Variants in DKK2 observed in about 807,000 individuals in gnomAD.
DKK2 encodes dickkopf Wnt signaling pathway inhibitor 2, also known as dickkopf-related protein 2.
DKK2 carries 11 observed loss-of-function variants against 28.1 expected under a neutral mutation model. The ratio of observed to expected loss-of-function variants is 0.39; its 90% CI spans 0.25 to 0.65. The LOEUF (loss-of-function observed/expected upper bound fraction) is 0.65. Among genes scored for constraint, DKK2 ranks in the 30% least tolerant of loss-of-function variants. The probability of loss-of-function intolerance (pLI) is 0.47; values close to 1 mark genes in which losing one functional copy is unlikely to be tolerated. For synonymous variants in DKK2, 135 were observed against 126.5 expected (o/e 1.07, Z -0.45); for missense variants, 326 against 335.5 (o/e 0.97, Z 0.22).
chr4:106,952,839 G>C (rs892104523), intron 1 of DKK2, among the ~76,000 whole-genome samples: 2 of 152,126 alleles, frequency 1.3e-5, no homozygotes, highest in African/African-American at 4.8e-5. Flanking sequence ...CTGGGAATCA[G>C]GTTTGGTTCA....
intron 1 of DKK2, among the ~76,000 whole-genome samples, chr4:106,978,617 A>G (rs1164928128): frequency 6.6e-6 from 1 of 151,990 alleles, no homozygotes; most frequent in African/African-American, 2.4e-5. Flanking sequence ...TACCAGGTCG[A>G]CTTCAGACTT....
chr4:106,964,866 C>A (rs1222158890), intron 1 of DKK2, among the ~76,000 whole-genome samples: 1 of 151,418 alleles, frequency 6.6e-6, no homozygotes, highest in Non-Finnish European at 1.5e-5. Context: ...CTTGTCAGTC[C>A]CACAATCATG....
chr4:106,951,470 T>C (rs539601911), intron 1 of DKK2, among the ~76,000 whole-genome samples: 2 of 152,144 alleles, frequency 1.3e-5, no homozygotes, highest in African/African-American at 4.8e-5. Context: ...AAAGAGTATG[T>C]GGCATATAGA....
At chr4:106,952,747 T>C (rs1722492462) in intron 1 of DKK2, among the ~76,000 whole-genome samples, 1 of 152,042 alleles carries the variant, frequency 6.6e-6, no homozygotes. Context: ...AAACTAGAAG[T>C]CATTGGTCAA....
At chr4:106,949,320 GGT>G (rs1393557256) in intron 1 of DKK2, among the ~76,000 whole-genome samples, 2 of 152,042 alleles carry the variant, frequency 1.3e-5, no homozygotes, top group Non-Finnish European at 2.9e-5. Context: ...TCCAGTGAAG[GGT>G]GTGTGTTACA....
At chr4:107,034,906 A>G (rs73837551) in intron 1 of DKK2, among the ~76,000 whole-genome samples, 2,080 of 152,302 alleles carry the variant, frequency 0.014, 53 homozygotes, top group African/African-American at 0.048. Context: ...TCCGTGCCTC[A>G]ATTACTTCAT....
At chr4:106,982,924 A>G (rs1294515585) in intron 1 of DKK2, among the ~76,000 whole-genome samples, 1 of 150,700 alleles carries the variant, frequency 6.6e-6, no homozygotes, top group African/African-American at 2.4e-5. Flanking sequence ...TACATTGGGG[A>G]GGGAAAGAAA....
intron 1 of DKK2, among the ~76,000 whole-genome samples, chr4:106,993,160 C>T (rs1420358113): frequency 6.6e-6 from 1 of 152,228 alleles, no homozygotes; most frequent in East Asian, 1.9e-4. Context: ...AGAGCATAAC[C>T]TCTGGAGTCT....
chr4:107,009,777 G>T (rs1247872214), intron 1 of DKK2, among the ~76,000 whole-genome samples: 1 of 151,744 alleles, frequency 6.6e-6, no homozygotes, highest in Non-Finnish European at 1.5e-5. Context: ...GGACATTCTT[G>T]AACAAGTATC....
At chr4:106,998,728 C>T (rs1343984359) in intron 1 of DKK2, among the ~76,000 whole-genome samples, 2 of 152,016 alleles carry the variant, frequency 1.3e-5, no homozygotes, top group Non-Finnish European at 2.9e-5. Context: ...GCCGTATGTT[C>T]TTTTCAGAAA....
chr4:106,931,938 A>C (rs1465824466), intron 1 of DKK2, among the ~76,000 whole-genome samples: 2 of 152,200 alleles, frequency 1.3e-5, no homozygotes, highest in Admixed American at 1.3e-4. Flanking sequence ...TTTGTCACCT[A>C]AAAAAGTTTT....
intron 1 of DKK2, among the ~76,000 whole-genome samples, chr4:106,976,810 G>C (rs1192461878): frequency 6.6e-6 from 1 of 152,174 alleles, no homozygotes; most frequent in Non-Finnish European, 1.5e-5. Flanking sequence ...TTGCCCATTA[G>C]TTGATGCAGT....
intron 1 of DKK2, among the ~76,000 whole-genome samples, chr4:106,999,761 A>G (rs948685647): frequency 2.0e-5 from 3 of 152,250 alleles, no homozygotes; most frequent in African/African-American, 4.8e-5. Context: ...AATAGATTTA[A>G]TTTAAAAATA....
chr4:106,995,830 T>G (rs1723264533), intron 1 of DKK2, among the ~76,000 whole-genome samples: 1 of 152,032 alleles, frequency 6.6e-6, no homozygotes, highest in South Asian at 2.1e-4. Flanking sequence ...CCAGGATGGT[T>G]TCAATCTCCT....
chr4:106,932,147 A>G (rs1724512363), intron 1 of DKK2, among the ~76,000 whole-genome samples: 1 of 152,192 alleles, frequency 6.6e-6, no homozygotes, highest in African/African-American at 2.4e-5. Context: ...AAAATATTTC[A>G]GTACCTTTTA....
intron 1 of DKK2, among the ~76,000 whole-genome samples, chr4:106,991,871 A>C (rs1393092136): frequency 6.6e-6 from 1 of 151,978 alleles, no homozygotes; most frequent in Non-Finnish European, 1.5e-5. Flanking sequence ...CATACTCCGA[A>C]CTCCAGTGAC....
intron 1 of DKK2, among the ~76,000 whole-genome samples, chr4:107,024,712 G>A (rs1405137458): frequency 6.6e-6 from 1 of 152,074 alleles, no homozygotes; most frequent in Non-Finnish European, 1.5e-5. Flanking sequence ...GATGGAGAAA[G>A]GATTTACTAT....
At chr4:106,954,317 T>A (rs1027386877) in intron 1 of DKK2, among the ~76,000 whole-genome samples, 1 of 152,194 alleles carries the variant, frequency 6.6e-6, no homozygotes, top group Non-Finnish European at 1.5e-5. Context: ...TTGCTTCAGG[T>A]TCATTTTACC....
chr4:106,948,189 T>C (rs1459179430), intron 1 of DKK2, among the ~76,000 whole-genome samples: 1 of 152,128 alleles, frequency 6.6e-6, no homozygotes, highest in African/African-American at 2.4e-5. Context: ...GTTTTTCTAA[T>C]TGCAAATTCT....
Sources: gnomAD v4.1 joint callset for allele counts (sites outside exome capture counted in the v4.1 genomes callset) on GRCh38, gnomAD v4.1.1 for gene constraint, MANE v1.5 for transcripts, NCBI Gene and HGNC (gene_info 2026-07-23, HGNC 2026-07-21) for gene names.